Variants in JAGN1 observed in about 807,000 individuals in gnomAD.
JAGN1 encodes the protein jagunal vesicle mediated transporter 1.
Under a neutral mutation model 17.1 loss-of-function variants are expected in JAGN1, and 13 were observed. That is an observed-to-expected ratio of 0.76 (90% CI 0.49 to 1.21). The LOEUF (loss-of-function observed/expected upper bound fraction) is 1.21, where lower values mean the gene tolerates loss of function less well. Among genes scored for constraint, JAGN1 ranks in the 50% most tolerant of loss-of-function variants. The pLI is 0.00. For synonymous variants in JAGN1, 111 were observed against 91.0 expected (o/e 1.22, Z -1.25); for missense variants, 256 against 234.2 (o/e 1.09, Z -0.61).
intron 1 of JAGN1, 28 bp from the exon 2 acceptor site, chr3:9,892,887 A>C (rs778920284): frequency 6.6e-7 from 1 of 1,507,904 alleles, no homozygotes; most frequent in African/African-American, 1.4e-5. Flanking sequence ...AATTTGAAAG[A>C]TACTTCTCCC....
chr3:9,890,909 A>T, intron 1 of JAGN1, 98 bp downstream of exon 1: 1 of 1,064,794 alleles, frequency 9.4e-7, no homozygotes, highest in Non-Finnish European at 1.4e-6. Flanking sequence ...CTTGCTCCCC[A>T]GCCAGCCCCC....
chr3:9,893,168 C>A lies in JAGN1; in HGVS notation c.343C>A (p.Leu115Ile). The A allele has an allele frequency of 6.2e-7, 1 of 1,614,256 alleles. No homozygotes were observed. Among genetic ancestry groups the A allele is most frequent in the Non-Finnish European group, 8.5e-7 (1 of 1,180,044 alleles). ...CATGGGACTCTTTTCCATCGCTCCACTCATTTATGGCAGCATGGAGATGTT... is the reference window on the plus strand; with the variant it reads ...CATGGGACTCTTTTCCATCGCTCCAATCATTTATGGCAGCATGGAGATGTT... ...ISMGLFSIAP[L>I]IYGSMEMFPA... Residue 115 changes from leucine (L) to isoleucine (I), a missense_variant, in exon 2 of 2, where the codon CTC (leucine) becomes ATC (isoleucine). Physicochemically the swap from Leu to Ile is conservative, Grantham distance 5. Transcript: ENST00000647897.
chr3:9,891,042 C>T (rs565048347), intron 1 of JAGN1, among the ~76,000 whole-genome samples: 1 of 152,342 alleles, frequency 6.6e-6, no homozygotes, highest in African/African-American at 2.4e-5. Context: ...GATCCAGCCC[C>T]GCGTGGGCTC....
At chr3:9,891,091 C>T (rs544466564) in intron 1 of JAGN1, among the ~76,000 whole-genome samples, 2 of 152,366 alleles carry the variant, frequency 1.3e-5, no homozygotes, top group South Asian at 4.1e-4. Context: ...CGATGCTGGC[C>T]CCGCTGTATC....
chr3:9,891,569 A>G lies in JAGN1; in HGVS notation c.89+758A>G, dbSNP rs1431144856. ...TGTTTTTTTTTTCCAACCTTTCCAC[A>G]TTTTCTACAATAAATATTTTTAAAT... is the stretch of plus-strand genomic sequence containing the variant. On this transcript the variant is annotated intron_variant, in intron 1 of 1. Transcript: ENST00000647897. 2.0e-5 allele frequency among the ~76,000 whole-genome samples: 3 copies of G among 151,064 alleles called. No homozygotes were observed. In the East Asian group the frequency reaches 5.8e-4, roughly 29 times the overall value.
chr3:9,891,158 G>T (rs997776062), intron 1 of JAGN1, among the ~76,000 whole-genome samples: 10 of 152,356 alleles, frequency 6.6e-5, no homozygotes, highest in African/African-American at 2.4e-4. Flanking sequence ...TAGAGGGAGA[G>T]AATAATCTGC....
Position 9,892,961 on chromosome 3 carries a change from G to A in JAGN1, c.136G>A (p.Val46Ile). 6.2e-7 allele frequency: 1 copy of A among 1,614,136 alleles called. No individual in the cohort carries two copies. The highest frequency in any genetic ancestry group is 8.5e-7 in the Non-Finnish European group (1 of 1,180,006). Reference sequence around the variant, plus strand: ...CAAGAAGCTGATCTACGTACATCTGGTCATATGGCTGCTGCTGGTTGCTAA... The same window carrying A: ...CAAGAAGCTGATCTACGTACATCTGATCATATGGCTGCTGCTGGTTGCTAA... ...EIKKLIYVHL[V>I]IWLLLVAKMS... Residue 46 changes from valine (V) to isoleucine (I), a missense_variant, in exon 2 of 2, where the codon GTC becomes ATC. Physicochemically the swap from Val to Ile is conservative, Grantham distance 29. Coordinates refer to ENST00000647897, the MANE Select transcript of JAGN1 (RefSeq NM_032492.4).
rs3172416 is a variant in JAGN1 at position 9,893,798 on chromosome 3, C to G, written c.*421C>G. On this transcript the variant is annotated 3_prime_UTR_variant, in exon 2 of 2. Transcript: ENST00000647897. The stretch of plus-strand genomic sequence containing the variant: ...AGCTGCTCCCTTGGCAGGCTGTGGT[C>G]TCCTCTGCAAAGCATTTTAATTAAA... 1 of 188,160 alleles carries G rather than the reference C, an allele frequency of 5.3e-6. No individual in the cohort carries two copies. The highest frequency in any genetic ancestry group is 1.1e-5 in the Non-Finnish European group (1 of 89,056). 11.7% of individuals were successfully genotyped at this position (188,160 alleles called of 1,614,324 possible).
At position 9,890,729 on chromosome 3, in the gene JAGN1, T is replaced by G; in HGVS notation, c.7T>G (p.Ser3Ala). 6.2e-7 allele frequency: 1 copy of G among 1,607,828 alleles called. No homozygotes were observed. The highest frequency in any genetic ancestry group is 1.3e-5 in the African/African-American group (1 of 74,934). MASRAGPRAAGTD... is the reference protein window; with the variant it reads MAARAGPRAAGTD... The stretch of plus-strand genomic sequence containing the variant: ...GGGGTTCTGGGCAGGCACAATGGCG[T>G]CTCGAGCAGGCCCGCGAGCGGCCGG... The change falls in exon 1 of 2, where the codon TCT becomes GCT. Residue 3 changes from serine (S) to alanine (A), a missense_variant. Ser to Ala is a moderately conservative substitution (Grantham distance 99). Coordinates refer to ENST00000647897, the MANE Select transcript of JAGN1 (RefSeq NM_032492.4).
rs1439324755 is a variant in JAGN1 at position 9,890,798 on chromosome 3, C to T, written c.76C>T (p.His26Tyr). 6.2e-7 allele frequency: 1 copy of T among 1,607,144 alleles called. No individual in the cohort carries two copies. Among genetic ancestry groups the T allele is most frequent in the Non-Finnish European group, 8.5e-7 (1 of 1,177,658 alleles). The change falls in exon 1 of 2, where the codon CAC becomes TAC. Residue 26 changes from histidine to tyrosine, a missense_variant. Coordinates refer to ENST00000647897, the MANE Select transcript of JAGN1 (RefSeq NM_032492.4). ...DFQHRERVAMHYQMSVTLKYE... is the reference protein window; with the variant it reads ...DFQHRERVAMYYQMSVTLKYE... The stretch of plus-strand genomic sequence containing the variant: ...TCAGCACCGGGAGCGCGTCGCCATG[C>T]ACTACCAGATGAGGTATGAAGTGAG...
chr3:9,893,324 A>G lies in JAGN1; in HGVS notation c.499A>G (p.Lys167Glu), dbSNP rs773059565. The change falls in exon 2 of 2, where the codon AAG becomes GAG. Residue 167 changes from lysine to glutamate, a missense_variant. Transcript: ENST00000647897. ...QVHAWQLYYSKKLLDSWFTST... is the reference protein window; with the variant it reads ...QVHAWQLYYSEKLLDSWFTST... ...GCATGCCTGGCAGTTGTACTACAGC[A>G]AGAAGCTCCTAGACTCTTGGTTCAC... The G allele has an allele frequency of 2.5e-6, 4 of 1,614,212 alleles. No homozygotes were observed. The Admixed American group carries it at 6.7e-5, about 27-fold the overall frequency.
Position 9,893,242 on chromosome 3 carries a change from CT to C in JAGN1, c.420del (p.Phe140LeufsTer31), listed in dbSNP as rs1416909240. 1.2e-6 allele frequency: 2 copies of C among 1,614,224 alleles called. No individual in the cohort carries two copies. The highest frequency in any genetic ancestry group is 8.5e-7 in the Non-Finnish European group (1 of 1,180,050). The part of the protein sequence containing the change: ...YRHGKAYRFL[F>X]GFSAVSIMYL... The stretch of plus-strand genomic sequence containing the variant: ...GCCATGGCAAGGCCTACCGTTTCCT[CT>C]TTGGTTTTTCTGCCGTTTCCATCAT... On this transcript the variant is annotated frameshift_variant, in exon 2 of 2. Coordinates refer to ENST00000647897, the MANE Select transcript of JAGN1 (RefSeq NM_032492.4). LOFTEE classifies it high-confidence loss of function.
At chr3:9,892,411 G>T (rs1177242393) in intron 1 of JAGN1, among the ~76,000 whole-genome samples, 1 of 150,124 alleles carries the variant, frequency 6.7e-6, no homozygotes, top group Non-Finnish European at 1.5e-5. Context: ...CTGGGCTCAA[G>T]CAGTCCTCCT....
At position 9,894,003 on chromosome 3, in the gene JAGN1, A is replaced by G. The variant is rs1392469252; in HGVS notation, c.*626A>G. On this transcript the variant is annotated 3_prime_UTR_variant, in exon 2 of 2. Coordinates refer to ENST00000647897, the MANE Select transcript of JAGN1 (RefSeq NM_032492.4). ...ACTGGGTATGGGGAACCTAAGTCAT[A>G]GTTGTAACCTACAGCTGATTGGTAA... is the stretch of plus-strand genomic sequence containing the variant. 4 of 153,122 alleles carry G rather than the reference A, an allele frequency of 2.6e-5. No individual in the cohort carries two copies. The highest frequency in any genetic ancestry group is 4.4e-5 in the Non-Finnish European group (3 of 68,722). The allele number at this position is 153,122 out of a possible 1,614,324, so 9.5% of individuals were successfully genotyped here.
rs1279218737 is a variant in JAGN1, at chr3:9,893,381, C to T, written c.*4C>T. The stretch of plus-strand genomic sequence containing the variant: ...ACAGGAGAAGAAGCATAAATGAAGC[C>T]TCTTTGGGGTGAAGCCTGGACATCC... On this transcript the variant is annotated 3_prime_UTR_variant, in exon 2 of 2. Coordinates refer to ENST00000647897, the MANE Select transcript of JAGN1 (RefSeq NM_032492.4). The T allele has an allele frequency of 1.2e-6, 2 of 1,600,126 alleles. No individual in the cohort carries two copies. The highest frequency in any genetic ancestry group is 1.1e-5 in the South Asian group (1 of 89,582).
Position 9,890,661 on chromosome 3 carries a change from C to T in JAGN1, c.-62C>T, listed in dbSNP as rs2082555394. On this transcript the variant is annotated 5_prime_UTR_variant, in exon 1 of 2. Transcript: ENST00000647897. ...GGGCGCAAATAGGGTCAGTGGGCCGCTTGGCGGTGTCGTTGCGGTACCAGG... is the reference window on the plus strand; with the variant it reads ...GGGCGCAAATAGGGTCAGTGGGCCGTTTGGCGGTGTCGTTGCGGTACCAGG... 2.0e-6 allele frequency: 3 copies of T among 1,505,228 alleles called. No homozygotes were observed. Among genetic ancestry groups the T allele is most frequent in the Admixed American group, 4.0e-5 (2 of 50,014 alleles). The allele number at this position is 1,505,228 out of a possible 1,614,324, so 93.2% of individuals were successfully genotyped here.
At position 9,893,550 on chromosome 3, in the gene JAGN1, T is replaced by C; in HGVS notation, c.*173T>C. 4 of 587,642 alleles carry C rather than the reference T, an allele frequency of 6.8e-6. No homozygotes were observed. In the South Asian group the frequency reaches 6.9e-5, roughly 10 times the overall value. The allele number at this position is 587,642 out of a possible 1,614,324, so 36.4% of individuals were successfully genotyped here. ...CTGCTGAGGTGGCAAAACTATAATT[T>C]ATTCCTGGTTGGCTAGAACTGGGTG... On this transcript the variant is annotated 3_prime_UTR_variant, in exon 2 of 2. Transcript: ENST00000647897.
chr3:9,890,633 C>G lies in JAGN1; in HGVS notation c.-90C>G. The G allele has an allele frequency of 8.1e-7, 1 of 1,234,882 alleles. No homozygotes were observed. The highest frequency in any genetic ancestry group is 1.1e-6 in the Non-Finnish European group (1 of 881,272). 76.5% of individuals were successfully genotyped at this position (1,234,882 alleles called of 1,614,324 possible). On this transcript the variant is annotated 5_prime_UTR_variant, in exon 1 of 2. Coordinates refer to ENST00000647897, the MANE Select transcript of JAGN1 (RefSeq NM_032492.4). The stretch of plus-strand genomic sequence containing the variant: ...TTCTCTTCACGGAGCCGCGCGGCTG[C>G]GGGGGCGCAAATAGGGTCAGTGGGC...
intron 1 of JAGN1, 88 bp downstream of exon 1, chr3:9,890,899 C>T (rs2082558126): frequency 2.6e-6 from 3 of 1,171,334 alleles, no homozygotes; most frequent in African/African-American, 3.1e-5. Flanking sequence ...GCCTCAGGGT[C>T]TTGCTCCCCA....
Sources: gnomAD v4.1 joint callset for allele counts (sites outside exome capture counted in the v4.1 genomes callset) on GRCh38, gnomAD v4.1.1 for gene constraint, MANE v1.5 for transcripts, NCBI Gene and HGNC (gene_info 2026-07-23, HGNC 2026-07-21) for gene names.